Variants in CTBP1 observed in about 807,000 individuals in gnomAD.
CTBP1 encodes the protein C-terminal binding protein 1.
A neutral mutation model predicts 42.1 loss-of-function variants in CTBP1; 11 were observed. The observed-to-expected ratio is 0.26, with a 90% confidence interval of 0.16 to 0.43. CTBP1 has a LOEUF of 0.43. Among genes scored for constraint, CTBP1 ranks in the 20% least tolerant of loss-of-function variants. CTBP1 has a pLI of 1.00. For synonymous variants in CTBP1, 324 were observed against 277.1 expected, an observed-to-expected ratio of 1.17 and a Z score of -1.68; for missense variants, 399 against 624.3, an observed-to-expected ratio of 0.64 and a Z score of 3.85.
Position 1,244,908 on chromosome 4 carries a change from C to T in CTBP1, c.-188-3389G>A, listed in dbSNP as rs373352401. The T allele has an allele frequency of 5.1e-4, 504 of 985,462 alleles. 2 individuals carry two copies. The African/African-American group carries it at 8.0e-3, about 16-fold the overall frequency. 61.0% of individuals were successfully genotyped at this position (985,462 alleles called of 1,614,324 possible). ...AACGAAGGCTGTGCACAGCCTGACC[C>T]GGAGCCTTCCAGTCCTGAGATACAG... is the stretch of plus-strand genomic sequence containing the variant. On this transcript the variant is annotated intron_variant, in intron 1 of 9. Transcript: ENST00000382952.
intron 5 of CTBP1, among the ~76,000 whole-genome samples, chr4:1,220,449 C>T (rs1472218206): frequency 6.6e-6 from 1 of 152,026 alleles, no homozygotes; most frequent in Non-Finnish European, 1.5e-5. Flanking sequence ...TATTTATGTC[C>T]CGAAGGTTCA....
At chr4:1,222,334 A>C (rs1230314100) in intron 5 of CTBP1, among the ~76,000 whole-genome samples, 1 of 151,934 alleles carries the variant, frequency 6.6e-6, no homozygotes, top group Non-Finnish European at 1.5e-5. Context: ...CTAAGGACAG[A>C]ACTGCTCTCC....
chr4:1,221,614 G>C (rs974335399), intron 5 of CTBP1: 1 of 233,258 alleles, frequency 4.3e-6, no homozygotes, highest in Non-Finnish European at 8.9e-6. Flanking sequence ...GCATCACCCC[G>C]ACTGACGGGA....
At chr4:1,216,704 C>A (rs1729158610) in intron 5 of CTBP1, 1 of 185,110 alleles carries the variant, frequency 5.4e-6, no homozygotes, top group East Asian at 1.5e-4. Flanking sequence ...GGGCTCAGGT[C>A]CTGACCCCTT....
chr4:1,226,213 C>G (rs1560250830), intron 4 of CTBP1, among the ~76,000 whole-genome samples: 1 of 152,152 alleles, frequency 6.6e-6, no homozygotes. Context: ...AGGCCCTTCC[C>G]CAGCCAGTGC....
At chr4:1,248,882 C>G in intron 1 of CTBP1, 34 bp downstream of exon 1, 1 of 969,128 alleles carries the variant, frequency 1.0e-6, no homozygotes, top group Non-Finnish European at 1.2e-6. Flanking sequence ...CCGCCCCCGC[C>G]CGCGGCCGGA....
chr4:1,246,811 G>A (rs746962487), intron 1 of CTBP1, among the ~76,000 whole-genome samples: 3 of 152,196 alleles, frequency 2.0e-5, no homozygotes, highest in African/African-American at 7.2e-5. Flanking sequence ...TTCCTGGAGA[G>A]CATGACTACT....
chr4:1,246,290 A>G (rs1732716753), intron 1 of CTBP1, among the ~76,000 whole-genome samples: 1 of 151,930 alleles, frequency 6.6e-6, no homozygotes, highest in Non-Finnish European at 1.5e-5. Context: ...CGGCGCTCCG[A>G]CCAGCGTTCC....
chr4:1,235,098 C>T lies in CTBP1; in HGVS notation c.162+3085G>A, dbSNP rs1378311382. On this transcript the variant is annotated intron_variant, in intron 3 of 9. Coordinates refer to ENST00000382952, the MANE Select transcript of CTBP1 (RefSeq NM_001012614.2). This position sits in a 1 kb window ranked among gnomAD's most constrained non-coding sequence, Gnocchi z 4.2. ...TCATGCCTGTTGCTGAGGAGGACAC[C>T]GAGGGAGGTGGCCAGCATTTGCCTG... 1 of 152,168 alleles carries T rather than the reference C, an allele frequency of 6.6e-6. No homozygotes were observed. Among genetic ancestry groups the T allele is most frequent in the Non-Finnish European group, 1.5e-5 (1 of 68,042 alleles). 9.4% of individuals were successfully genotyped at this position (152,168 alleles called of 1,614,324 possible).
intron 1 of CTBP1, chr4:1,241,729 GT>G: frequency 8.3e-7 from 1 of 1,206,778 alleles, no homozygotes; most frequent in South Asian, 1.6e-5. Context: ...TGAGGTTGCA[GT>G]GCCAGGCCCG....
At position 1,238,331 on chromosome 4, in the gene CTBP1, C is replaced by T. The variant is rs1407102746; in HGVS notation, c.14G>A (p.Arg5Gln). MSGV[R>Q]PPIMNGPLHP... ...CAGGGGCCCGTTCATGATCGGAGGT[C>T]GGACGCCTGCAAGACAGAGGCAAGT... Residue 5 changes from arginine (R) to glutamine (Q), a missense_variant, in exon 3 of 10, where the codon CGA becomes CAA. Coordinates refer to ENST00000382952, the MANE Select transcript of CTBP1 (RefSeq NM_001012614.2). The surrounding 1 kb of genome is among the most constrained non-coding windows in gnomAD (Gnocchi z 5.9). 2.6e-6 allele frequency: 4 copies of T among 1,565,082 alleles called. No individual in the cohort carries two copies. Among genetic ancestry groups the T allele is most frequent in the East Asian group, 2.3e-5 (1 of 44,294 alleles).
chr4:1,215,913 G>A, intron 6 of CTBP1, 78 bp downstream of exon 6: 7 of 1,461,898 alleles, frequency 4.8e-6, no homozygotes, highest in Non-Finnish European at 6.5e-6. Context: ...GCAGATGGCT[G>A]CTGGGAGGGA....
In CTBP1 at chr4:1,233,155, A is replaced by G; in HGVS notation, c.163-4812T>C. ...TAGAAGCGACTGTGACCCGGTATTA[A>G]GGTCAGAGCCCACGGCAGCCCGTCT... On this transcript the variant is annotated intron_variant, in intron 3 of 9. Coordinates refer to ENST00000382952, the MANE Select transcript of CTBP1 (RefSeq NM_001012614.2). This position sits in a 1 kb window ranked among gnomAD's most constrained non-coding sequence, Gnocchi z 4.6. 1 of 152,228 alleles carries G rather than the reference A, an allele frequency of 6.6e-6. No homozygotes were observed. Among genetic ancestry groups the G allele is most frequent in the East Asian group, 1.9e-4 (1 of 5,190 alleles). The allele number at this position is 152,228 out of a possible 1,614,324, so 9.4% of individuals were successfully genotyped here. A position where few individuals can be genotyped will look rare whatever the true frequency, so the allele number is the denominator to read the frequency against.
At chr4:1,247,629 T>C (rs190221504) in intron 1 of CTBP1, among the ~76,000 whole-genome samples, 23 of 152,074 alleles carry the variant, frequency 1.5e-4, no homozygotes, top group African/African-American at 5.5e-4. Context: ...TGCAGACGGG[T>C]ACACAGACGC....
In CTBP1 at chr4:1,238,844, C is replaced by T. The variant is rs1313065492; in HGVS notation, c.8-507G>A. On this transcript the variant is annotated intron_variant, in intron 2 of 9. Transcript: ENST00000382952. The surrounding 1 kb of genome is among the most constrained non-coding windows in gnomAD (Gnocchi z 5.9). Reference sequence around the variant, plus strand: ...TCCCAGACCGTCCGAGACCCCAGGGCAGCTCCATGAGGCAGGGGGACAGGA... The same window carrying T: ...TCCCAGACCGTCCGAGACCCCAGGGTAGCTCCATGAGGCAGGGGGACAGGA... 6.6e-6 allele frequency among the ~76,000 whole-genome samples: 1 copy of T among 151,704 alleles called. No homozygotes were observed. The highest frequency in any genetic ancestry group is 1.5e-5 in the Non-Finnish European group (1 of 67,938).
Position 1,213,595 on chromosome 4 carries a change from C to T in CTBP1, c.871G>A (p.Gly291Ser), listed in dbSNP as rs1168946606. Residue 291 changes from glycine to serine, a missense_variant, in exon 8 of 10, where the codon GGC becomes AGC. Around this residue, in one of 4 missense-constraint regions of CTBP1, gnomAD observed 309 missense variants for 497.5 expected, o/e 0.62. Transcript: ENST00000382952. ...AGGTTGGGTGCATCCTTCAGAGGGC[C>T]CTGGCTAAAGCTGGGAACAGCACAG... ...HESEPFSFSQ[G>S]PLKDAPNLIC... 6.2e-7 allele frequency: 1 copy of T among 1,613,010 alleles called. No homozygotes were observed. Among genetic ancestry groups the T allele is most frequent in the Admixed American group, 1.7e-5 (1 of 59,996 alleles).
At chr4:1,220,105 G>C (rs1350832209) in intron 5 of CTBP1, among the ~76,000 whole-genome samples, 1 of 151,900 alleles carries the variant, frequency 6.6e-6, no homozygotes, top group Non-Finnish European at 1.5e-5. Context: ...AGGAGGCTGA[G>C]GCAGGAGAAT....
chr4:1,225,697 C>T, intron 4 of CTBP1, 131 bp from the exon 5 acceptor site: 1 of 928,846 alleles, frequency 1.1e-6, no homozygotes. Flanking sequence ...CCCAAGGCCA[C>T]CCCGGGAGGC....
intron 5 of CTBP1, chr4:1,221,713 G>T: frequency 2.8e-6 from 1 of 360,408 alleles, no homozygotes; most frequent in Non-Finnish European, 5.6e-6. Context: ...CCGGGTCCTC[G>T]CAGGGTCGTC....
Sources: allele counts gnomAD v4.1 joint callset (sites outside exome capture counted in the v4.1 genomes callset), GRCh38; gene constraint gnomAD v4.1.1; regional missense constraint gnomAD v4.1.1; non-coding constraint Gnocchi (gnomAD v3.1); transcripts MANE v1.5; gene names NCBI Gene and HGNC (gene_info 2026-07-23, HGNC 2026-07-21).